The following PCDH15 variants were observed in gnomAD, a reference collection of about 807,000 sequenced individuals.
The protein encoded by PCDH15 is protocadherin-15.
Under a neutral mutation model 178.5 loss-of-function variants are expected in PCDH15, and 129 were observed. The ratio of observed to expected loss-of-function variants is 0.72; its 90% CI spans 0.63 to 0.84. PCDH15 has a LOEUF of 0.84. Ranked by LOEUF, PCDH15 falls within the 40% of genes least tolerant of loss-of-function variation. PCDH15 has a pLI of 0.00. For synonymous variants in PCDH15, 800 were observed against 732.0 expected (o/e 1.09, Z -1.50); for missense variants, 2,230 against 2,099.9 (o/e 1.06, Z -1.21).
chr10:55,073,439 A>T (rs1841802582), intron 2 of PCDH15, among the ~76,000 whole-genome samples: 1 of 152,342 alleles, frequency 6.6e-6, no homozygotes, highest in South Asian at 2.1e-4. Context: ...AATCACAAGC[A>T]TTCTTATACA....
chr10:54,774,637 A>G (rs953854103), intron 1 of PCDH15, among the ~76,000 whole-genome samples: 1 of 152,200 alleles, frequency 6.6e-6, no homozygotes, highest in Non-Finnish European at 1.5e-5. Context: ...TAAATTCACC[A>G]GTGGTTAGTT....
At chr10:54,889,294 T>C (rs1335091273) in intron 3 of PCDH15, among the ~76,000 whole-genome samples, 1 of 151,788 alleles carries the variant, frequency 6.6e-6, no homozygotes, top group Non-Finnish European at 1.5e-5. Flanking sequence ...TACTGTTTTA[T>C]GGATTGTTAG....
At chr10:55,432,712 G>T (rs1838914029) in intron 2 of PCDH15, among the ~76,000 whole-genome samples, 1 of 151,972 alleles carries the variant, frequency 6.6e-6, no homozygotes, top group East Asian at 1.9e-4. Context: ...GCCATGTGGC[G>T]ATTACTTGAA....
intron 20 of PCDH15, among the ~76,000 whole-genome samples, chr10:54,014,144 G>T (rs2610871): frequency 0.76 from 116,156 of 151,998 alleles, 44,642 homozygotes; most frequent in Middle Eastern, 0.86. Context: ...AACACCTCTG[G>T]GTACACAAGC....
intron 1 of PCDH15, among the ~76,000 whole-genome samples, chr10:54,796,262 C>CTGTCTATG (rs1951972033): frequency 2.0e-5 from 2 of 101,960 alleles, no homozygotes; most frequent in African/African-American, 4.3e-5. Flanking sequence ...ATCTATCTAT[C>CTGTCTATG]TATCTATCTA....
At chr10:54,796,661 G>C (rs1952046230) in intron 1 of PCDH15, among the ~76,000 whole-genome samples, 1 of 151,344 alleles carries the variant, frequency 6.6e-6, no homozygotes, top group Admixed American at 6.6e-5. Context: ...ATATTTGACT[G>C]TCTCTAACTT....
intron 2 of PCDH15, among the ~76,000 whole-genome samples, chr10:55,605,698 G>C (rs371850182): frequency 0.17 from 17,369 of 100,700 alleles, 645 homozygotes; most frequent in Middle Eastern, 0.25. Flanking sequence ...ATTCAACAAC[G>C]CTTCATGCTA....
intron 32 of PCDH15, chr10:53,821,509 T>G: frequency 1.9e-6 from 2 of 1,032,898 alleles, no homozygotes; most frequent in Non-Finnish European, 2.3e-6. Context: ...AAACTAAATG[T>G]AAATGTTACT....
At chr10:55,166,991 G>A (rs1482535001) in intron 1 of PCDH15, among the ~76,000 whole-genome samples, 1 of 152,122 alleles carries the variant, frequency 6.6e-6, no homozygotes, top group Non-Finnish European at 1.5e-5. Flanking sequence ...TAACAACGAA[G>A]CACTGCATAA....
chr10:54,934,874 A>G (rs1480682977), intron 2 of PCDH15, among the ~76,000 whole-genome samples: 1 of 152,134 alleles, frequency 6.6e-6, no homozygotes, highest in African/African-American at 2.4e-5. Flanking sequence ...TGTGGCACAT[A>G]CACACCATGG....
At chr10:54,350,234 T>TG (rs1330769481) in intron 5 of PCDH15, among the ~76,000 whole-genome samples, 2 of 152,136 alleles carry the variant, frequency 1.3e-5, no homozygotes, top group Non-Finnish European at 2.9e-5. Context: ...ACAATTTCAG[T>TG]AAAAATTTCT....
chr10:54,088,469 A>G (rs1375365911), intron 16 of PCDH15, among the ~76,000 whole-genome samples: 1 of 152,154 alleles, frequency 6.6e-6, no homozygotes, highest in Non-Finnish European at 1.5e-5. Context: ...CACCATATAC[A>G]TTATTTTAAA....
chr10:55,397,413 A>G (rs1837956059), intron 2 of PCDH15, among the ~76,000 whole-genome samples: 1 of 152,186 alleles, frequency 6.6e-6, no homozygotes, highest in African/African-American at 2.4e-5. Context: ...ACTCTTCTGT[A>G]AAACATTTAG....
At chr10:54,601,975 G>A (rs149691590) in intron 2 of PCDH15, among the ~76,000 whole-genome samples, 107 of 151,946 alleles carry the variant, frequency 7.0e-4, no homozygotes, top group African/African-American at 2.0e-3. Flanking sequence ...AGACAGTGAG[G>A]CCAACCAGAA....
At chr10:55,500,002 G>T (rs1042832444) in intron 2 of PCDH15, among the ~76,000 whole-genome samples, 8 of 151,672 alleles carry the variant, frequency 5.3e-5, no homozygotes, top group African/African-American at 1.9e-4. Context: ...GGTGCAAAAA[G>T]AGTTTACAAA....
chr10:54,210,757 G>C (rs1032010146), intron 10 of PCDH15, among the ~76,000 whole-genome samples: 43 of 151,832 alleles, frequency 2.8e-4, no homozygotes, highest in African/African-American at 1.0e-3. Flanking sequence ...TGAGAGCTCA[G>C]GGTTAGTGAG....
chr10:54,796,260 A>G (rs149257859), intron 1 of PCDH15, among the ~76,000 whole-genome samples: 1,219 of 104,814 alleles, frequency 0.012, 5 homozygotes, highest in Non-Finnish European at 0.017. Flanking sequence ...CTATCTATCT[A>G]TCTATCTATC....
At chr10:53,904,512 G>A (rs964944755) in intron 25 of PCDH15, among the ~76,000 whole-genome samples, 12 of 148,440 alleles carry the variant, frequency 8.1e-5, no homozygotes, top group Non-Finnish European at 1.6e-4. Context: ...AGACAGAACA[G>A]TGAGTTAACC....
intron 2 of PCDH15, among the ~76,000 whole-genome samples, chr10:55,015,156 G>C (rs946111861): frequency 6.6e-6 from 1 of 152,040 alleles, no homozygotes; most frequent in African/African-American, 2.4e-5. Flanking sequence ...AGCTACCTGG[G>C]AGGCTGAGGT....
Sources: gnomAD v4.1 joint callset for allele counts (sites outside exome capture counted in the v4.1 genomes callset) on GRCh38, gnomAD v4.1.1 for gene constraint, MANE v1.5 for transcripts, NCBI Gene and HGNC (gene_info 2026-07-23, HGNC 2026-07-21) for gene names.